OPCML: variants seen among roughly 807,000 people sequenced by gnomAD.
The protein encoded by OPCML is opioid-binding protein/cell adhesion molecule.
In OPCML, 13 loss-of-function variants were observed where a neutral mutation model predicts 37.8. The observed-to-expected ratio is 0.34, with a 90% CI of 0.22 to 0.55. OPCML has a LOEUF of 0.55. Among genes scored for constraint, OPCML ranks in the 20% least tolerant of loss-of-function variants. The pLI is 0.91. For missense variants in OPCML, 341 were observed against 435.6 expected (o/e 0.78, Z 1.93); for synonymous variants, 176 against 168.8 (o/e 1.04, Z -0.33).
At chr11:132,823,093 GA>G (rs1340766069) in intron 2 of OPCML, among the ~76,000 whole-genome samples, 1 of 152,076 alleles carries the variant, frequency 6.6e-6, no homozygotes, top group Admixed American at 6.5e-5. Context: ...TATCTCAAAA[GA>G]ATACCTTACC....
At chr11:132,580,789 G>T (rs10894587) in intron 3 of OPCML, among the ~76,000 whole-genome samples, 1 of 151,916 alleles carries the variant, frequency 6.6e-6, no homozygotes, top group South Asian at 2.1e-4. Context: ...AGTTAAACAT[G>T]GTCCTTGTAT....
intron 1 of OPCML, among the ~76,000 whole-genome samples, chr11:132,949,428 C>A (rs577174519): frequency 2.6e-5 from 4 of 152,196 alleles, no homozygotes; most frequent in African/African-American, 9.6e-5. Flanking sequence ...GGGAGGTGGG[C>A]CTTGTTGGGC....
At chr11:133,163,611 TCTC>T (rs895044322) in intron 1 of OPCML, among the ~76,000 whole-genome samples, 6 of 152,236 alleles carry the variant, frequency 3.9e-5, no homozygotes, top group Admixed American at 1.3e-4. Flanking sequence ...CACAGCCTCT[TCTC>T]CGTCTTTCTG....
intron 1 of OPCML, among the ~76,000 whole-genome samples, chr11:133,351,568 G>T (rs1944137914): frequency 6.6e-6 from 1 of 152,124 alleles, no homozygotes; most frequent in African/African-American, 2.4e-5. Context: ...TAAAAGAAGG[G>T]CTACCCCAGG....
chr11:132,930,539 C>CA (rs964044956), intron 2 of OPCML, among the ~76,000 whole-genome samples: 1 of 151,716 alleles, frequency 6.6e-6, no homozygotes, highest in Non-Finnish European at 1.5e-5. Flanking sequence ...CAAAAATCAA[C>CA]AAAAAAATCA....
At chr11:133,140,585 A>C (rs535030660) in intron 1 of OPCML, among the ~76,000 whole-genome samples, 1 of 128,424 alleles carries the variant, frequency 7.8e-6, no homozygotes, top group Non-Finnish European at 1.8e-5. Context: ...AGAAAGAAGA[A>C]AAAAGAAAGA....
At chr11:133,121,774 A>G (rs1332115755) in intron 1 of OPCML, among the ~76,000 whole-genome samples, 1 of 152,236 alleles carries the variant, frequency 6.6e-6, no homozygotes, top group African/African-American at 2.4e-5. Context: ...CATGTTTTCC[A>G]GATGAATACC....
At chr11:132,446,595 T>G (rs2096055978) in intron 4 of OPCML, among the ~76,000 whole-genome samples, 1 of 152,162 alleles carries the variant, frequency 6.6e-6, no homozygotes, top group Non-Finnish European at 1.5e-5. Flanking sequence ...AACAGCTAAG[T>G]TATTGACAAA....
At chr11:132,856,309 T>C (rs111802623) in intron 2 of OPCML, among the ~76,000 whole-genome samples, 3,885 of 152,180 alleles carry the variant, frequency 0.026, 155 homozygotes, top group African/African-American at 0.086. Flanking sequence ...AATAATACCT[T>C]GGTAGGATAT....
At chr11:132,964,022 T>C (rs1207554106) in intron 1 of OPCML, among the ~76,000 whole-genome samples, 4 of 152,090 alleles carry the variant, frequency 2.6e-5, no homozygotes, top group African/African-American at 9.7e-5. Flanking sequence ...GCAGCCATTG[T>C]GTGCAGGAGG....
At chr11:133,513,282 G>T (rs1202093663) in intron 1 of OPCML, among the ~76,000 whole-genome samples, 1 of 152,170 alleles carries the variant, frequency 6.6e-6, no homozygotes, top group East Asian at 1.9e-4. Context: ...TAATTTTTCT[G>T]ACATTTAAAT....
chr11:133,513,067 A>C (rs2120637492), intron 1 of OPCML, among the ~76,000 whole-genome samples: 1 of 152,308 alleles, frequency 6.6e-6, no homozygotes, highest in Non-Finnish European at 1.5e-5. Flanking sequence ...GCTGTCTGGA[A>C]TTTATAAACC....
At chr11:133,386,236 T>C (rs916865112) in intron 1 of OPCML, among the ~76,000 whole-genome samples, 24 of 152,212 alleles carry the variant, frequency 1.6e-4, no homozygotes, top group African/African-American at 5.3e-4. Context: ...TTAACTCCTT[T>C]TTACATTTTC....
At chr11:132,659,061 A>C (rs905339296) in intron 2 of OPCML, among the ~76,000 whole-genome samples, 2 of 152,208 alleles carry the variant, frequency 1.3e-5, no homozygotes, top group African/African-American at 4.8e-5. Flanking sequence ...GTAGGACCTG[A>C]TAATCTAGGT....
At chr11:133,090,840 G>C (rs545116207) in intron 1 of OPCML, among the ~76,000 whole-genome samples, 1 of 152,360 alleles carries the variant, frequency 6.6e-6, no homozygotes, top group East Asian at 1.9e-4. Context: ...GTGTGTTTGA[G>C]AGAGAATACC....
Position 133,211,492 on chromosome 11 carries a change from C to G in OPCML, c.62-268482G>C, listed in dbSNP as rs912643899. Among the ~76,000 whole-genome samples the G allele has an allele frequency of 6.6e-6, 1 of 152,096 alleles. No homozygotes were observed. Among genetic ancestry groups the G allele is most frequent in the South Asian group, 2.1e-4 (1 of 4,832 alleles). On this transcript the variant is annotated intron_variant, in intron 1 of 7. Transcript: ENST00000524381. This position sits in a 1 kb window ranked among gnomAD's most constrained non-coding sequence, Gnocchi z 4.1. Reference sequence around the variant, plus strand: ...CAGCCTTGAGTCCTTGGAGATACCCCTCCTCAGACACTGTTGCATATAAGT... The same window carrying G: ...CAGCCTTGAGTCCTTGGAGATACCCGTCCTCAGACACTGTTGCATATAAGT...
At chr11:132,940,938 A>G (rs990976084) in intron 2 of OPCML, among the ~76,000 whole-genome samples, 1 of 152,176 alleles carries the variant, frequency 6.6e-6, no homozygotes. Context: ...ATTAAAATGT[A>G]GATAACGTGC....
intron 1 of OPCML, among the ~76,000 whole-genome samples, chr11:133,373,446 T>TATATATAC (rs1482064315): frequency 3.0e-5 from 4 of 133,310 alleles, no homozygotes; most frequent in Non-Finnish European, 6.3e-5. Context: ...TATATATATA[T>TATATATAC]ATACACACAC....
At chr11:132,909,679 G>A (rs535345404) in intron 2 of OPCML, among the ~76,000 whole-genome samples, 1 of 152,278 alleles carries the variant, frequency 6.6e-6, no homozygotes, top group African/African-American at 2.4e-5. Flanking sequence ...CATCAGTGTC[G>A]GCTGATGTCA....
Sources: allele counts gnomAD v4.1 joint callset (sites outside exome capture counted in the v4.1 genomes callset), GRCh38; gene constraint gnomAD v4.1.1; non-coding constraint Gnocchi (gnomAD v3.1); transcripts MANE v1.5; gene names NCBI Gene and HGNC (gene_info 2026-07-23, HGNC 2026-07-21).